The following GFRA2 variants were observed in gnomAD, a reference collection of about 807,000 sequenced individuals.
The protein encoded by GFRA2 is GDNF family receptor alpha-2.
In GFRA2, 17 loss-of-function variants were observed where a neutral mutation model predicts 48.3. The ratio of observed to expected loss-of-function variants is 0.35; its 90% CI spans 0.24 to 0.53. GFRA2 has a LOEUF of 0.53. Among genes scored for constraint, GFRA2 ranks in the 20% least tolerant of loss-of-function variants. GFRA2 has a pLI of 0.93. For missense variants in GFRA2, 660 were observed against 637.3 expected (o/e 1.04, Z -0.38); for synonymous variants, 305 against 257.2 (o/e 1.19, Z -1.78).
At chr8:21,694,844 T>C (rs949373426) in intron 7 of GFRA2, among the ~76,000 whole-genome samples, 2 of 152,220 alleles carry the variant, frequency 1.3e-5, no homozygotes, top group African/African-American at 4.8e-5. Flanking sequence ...CATGTCTTCT[T>C]TTCCTCACAC....
chr8:21,767,091 C>A (rs1258887013), intron 3 of GFRA2, among the ~76,000 whole-genome samples: 2 of 139,860 alleles, frequency 1.4e-5, no homozygotes, highest in Non-Finnish European at 3.2e-5. Context: ...CTCACACACA[C>A]CCCACACACA....
At chr8:21,743,824 G>A (rs993752332) in intron 4 of GFRA2, among the ~76,000 whole-genome samples, 1 of 152,128 alleles carries the variant, frequency 6.6e-6, no homozygotes, top group African/African-American at 2.4e-5. Context: ...CTTCTCTAGG[G>A]AGCCAATCCA....
chr8:21,782,832 G>A lies in GFRA2; in HGVS notation c.108C>T (p.Pro36=), dbSNP rs2117073167. 6 of 1,572,220 alleles carry A rather than the reference G, an allele frequency of 3.8e-6. No homozygotes were observed. The highest frequency in any genetic ancestry group is 1.3e-5 in the African/African-American group (1 of 74,414). ...LQGPELHGWR[P]PVDCVRANEL... ...CATTGGCCCGGACACAGTCCACTGG[G>A]GGGCGCCAGCCGTGGAGCTCGGGGC... The change falls in exon 2 of 9, where the codon CCC becomes CCT. Residue 36 remains proline (P), a synonymous_variant. Transcript: ENST00000524240.
intron 4 of GFRA2, among the ~76,000 whole-genome samples, chr8:21,749,684 T>TAC (rs1314130996): frequency 6.6e-6 from 1 of 151,752 alleles, no homozygotes; most frequent in East Asian, 1.9e-4. Context: ...CCCTTTTATA[T>TAC]ATATATAAAG....
At chr8:21,752,946 G>C (rs763713778) in intron 3 of GFRA2, among the ~76,000 whole-genome samples, 1 of 152,032 alleles carries the variant, frequency 6.6e-6, no homozygotes, top group Non-Finnish European at 1.5e-5. Context: ...CTGAGCCACC[G>C]ACACTGTGCC....
chr8:21,700,294 A>T (rs970740232), intron 7 of GFRA2, among the ~76,000 whole-genome samples: 2 of 152,172 alleles, frequency 1.3e-5, no homozygotes, highest in Non-Finnish European at 2.9e-5. Flanking sequence ...TGCAGGCCCT[A>T]TCAGGCCTCT....
At chr8:21,711,868 G>A (rs921813495) in intron 4 of GFRA2, among the ~76,000 whole-genome samples, 16 of 152,128 alleles carry the variant, frequency 1.1e-4, no homozygotes, top group Non-Finnish European at 1.2e-4. Context: ...TTGAGATTAG[G>A]GAGTGGTGAT....
At chr8:21,694,566 G>C (rs913175430) in intron 7 of GFRA2, 49 bp from the exon 8 acceptor site, 1 of 1,562,970 alleles carries the variant, frequency 6.4e-7, no homozygotes. Context: ...GCTGTTCCTG[G>C]CTGGGCTTTG....
intron 7 of GFRA2, among the ~76,000 whole-genome samples, chr8:21,696,095 C>T (rs1285093265): frequency 2.3e-5 from 3 of 127,696 alleles, no homozygotes; most frequent in African/African-American, 6.0e-5. Flanking sequence ...TCTCCCCTCC[C>T]CCTCCTCTGT....
Position 21,727,252 on chromosome 8 carries a change from ACAGGCTTTCGCTCTC to A in GFRA2, c.795-21226_795-21212del, listed in dbSNP as rs536936629. Among the ~76,000 whole-genome samples the A allele has an allele frequency of 8.5e-5, 13 of 152,222 alleles. No homozygotes were observed. The South Asian group carries it at 2.3e-3, about 27-fold the overall frequency. On this transcript the variant is annotated intron_variant, in intron 4 of 8. Transcript: ENST00000524240. ...AGACTGAGAGGTCACTCCTCCAAGG[ACAGGCTTTCGCTCTC>A]CAGGGTCACAGGCTCTGTTGCCATC...
chr8:21,811,151 T>C (rs928342321), intron 1 of GFRA2, among the ~76,000 whole-genome samples: 2 of 152,086 alleles, frequency 1.3e-5, no homozygotes, highest in East Asian at 1.9e-4. Flanking sequence ...GGCAGCCACC[T>C]CCTCAGAGGC....
At chr8:21,705,575 T>A (rs1445565830) in intron 5 of GFRA2, among the ~76,000 whole-genome samples, 1 of 152,188 alleles carries the variant, frequency 6.6e-6, no homozygotes, top group Non-Finnish European at 1.5e-5. Context: ...ATGGAGATTA[T>A]CAGCACCCCG....
chr8:21,737,658 C>G (rs1429811124), intron 4 of GFRA2, among the ~76,000 whole-genome samples: 1 of 152,172 alleles, frequency 6.6e-6, no homozygotes, highest in South Asian at 2.1e-4. Context: ...TCAGTCCTGC[C>G]TCCCCCTCCT....
chr8:21,764,436 C>T (rs1040387469), intron 3 of GFRA2, among the ~76,000 whole-genome samples: 1 of 152,236 alleles, frequency 6.6e-6, no homozygotes, highest in East Asian at 1.9e-4. Flanking sequence ...GGATTTCAAC[C>T]TATAAATTTG....
intron 2 of GFRA2, 44 bp from the exon 3 acceptor site, chr8:21,775,099 G>C (rs1420903420): frequency 1.0e-6 from 1 of 972,784 alleles, no homozygotes; most frequent in Non-Finnish European, 1.7e-6. Context: ...CTCCGGGCCA[G>C]AGCGCTGCCG....
chr8:21,747,317 C>T (rs1191480299), intron 4 of GFRA2, among the ~76,000 whole-genome samples: 1 of 152,186 alleles, frequency 6.6e-6, no homozygotes. Flanking sequence ...ATCCAGGAAG[C>T]TCGGAGCTCA....
intron 2 of GFRA2, among the ~76,000 whole-genome samples, chr8:21,776,661 G>C (rs1806722357): frequency 6.6e-6 from 1 of 152,132 alleles, no homozygotes; most frequent in East Asian, 1.9e-4. Context: ...AGTAGAGATG[G>C]GGTTTCACCA....
chr8:21,752,186 AG>A (rs1272690744), intron 3 of GFRA2, among the ~76,000 whole-genome samples: 1 of 152,140 alleles, frequency 6.6e-6, no homozygotes, highest in African/African-American at 2.4e-5. Context: ...AATTAAAAAA[AG>A]ACCTCCTCGT....
chr8:21,797,038 G>A (rs895922032), intron 2 of GFRA2, among the ~76,000 whole-genome samples: 84 of 152,330 alleles, frequency 5.5e-4, no homozygotes, highest in African/African-American at 1.9e-3. Flanking sequence ...CGATCACACA[G>A]TCAGGAAGCT....
Sources: allele counts gnomAD v4.1 joint callset (sites outside exome capture counted in the v4.1 genomes callset), GRCh38; gene constraint gnomAD v4.1.1; transcripts MANE v1.5; gene names NCBI Gene and HGNC (gene_info 2026-07-23, HGNC 2026-07-21).